CUX2: variants seen among roughly 807,000 people sequenced by gnomAD.
CUX2 encodes homeobox protein cut-like 2.
CUX2 carries 40 observed loss-of-function variants against 144.8 expected under a neutral mutation model. The observed-to-expected ratio is 0.28, with a 90% CI of 0.21 to 0.36. CUX2 has a LOEUF of 0.36. Among genes scored for constraint, CUX2 ranks in the 10% least tolerant of loss-of-function variants. The probability of loss-of-function intolerance (pLI) is 1.00; values close to 1 mark genes in which losing one functional copy is unlikely to be tolerated. For synonymous variants in CUX2, 827 were observed against 875.6 expected, an observed-to-expected ratio of 0.94 and a Z score of 0.98; for missense variants, 1,615 against 1,994.0, an observed-to-expected ratio of 0.81 and a Z score of 3.62.
chr12:111,141,927 T>TA (rs1876346718), intron 1 of CUX2, among the ~76,000 whole-genome samples: 2 of 152,052 alleles, frequency 1.3e-5, no homozygotes, highest in Non-Finnish European at 2.9e-5. Flanking sequence ...CTACTAAAAA[T>TA]ACAAAAATTA....
intron 1 of CUX2, among the ~76,000 whole-genome samples, chr12:111,076,122 A>T (rs111806689): frequency 0.013 from 1,928 of 152,308 alleles, 54 homozygotes; most frequent in African/African-American, 0.044. Context: ...CATCATGTGG[A>T]TACTTTCTGA....
At chr12:111,245,196 G>A (rs1883220898) in intron 3 of CUX2, among the ~76,000 whole-genome samples, 1 of 151,968 alleles carries the variant, frequency 6.6e-6, no homozygotes, top group African/African-American at 2.4e-5. Context: ...TTTGTTCTAT[G>A]GTATGGCAGG....
intron 1 of CUX2, among the ~76,000 whole-genome samples, chr12:111,167,120 C>A (rs561683706): frequency 6.6e-6 from 1 of 152,264 alleles, no homozygotes; most frequent in Non-Finnish European, 1.5e-5. Context: ...GTCCTCCCTG[C>A]CCCTGTCTGT....
At chr12:111,266,530 A>C (rs887261937) in intron 4 of CUX2, among the ~76,000 whole-genome samples, 2 of 152,070 alleles carry the variant, frequency 1.3e-5, no homozygotes, top group Admixed American at 1.3e-4. Flanking sequence ...AAAGCTGTGT[A>C]AAAACAGAGG....
chr12:111,225,558 C>T (rs796526821), intron 3 of CUX2, among the ~76,000 whole-genome samples: 5 of 152,212 alleles, frequency 3.3e-5, no homozygotes, highest in Admixed American at 1.3e-4. Context: ...GCTCACACAG[C>T]GGTTCATCAG....
chr12:111,043,206 A>G (rs945472653), intron 1 of CUX2, among the ~76,000 whole-genome samples: 1 of 152,204 alleles, frequency 6.6e-6, no homozygotes, highest in Non-Finnish European at 1.5e-5. Context: ...TGCACATGCC[A>G]TTTCACAGAC....
rs61943044 is a variant in CUX2, at chr12:111,182,937, C to T, written c.64-31263C>T. Reference sequence around the variant, plus strand: ...ATCGGAATAGCACCAGCCATTTATTCGCCACCAACTGCCCCGGATCCTGTA... The same window carrying T: ...ATCGGAATAGCACCAGCCATTTATTTGCCACCAACTGCCCCGGATCCTGTA... On this transcript the variant is annotated intron_variant, in intron 1 of 21. Transcript: ENST00000261726. Among the ~76,000 whole-genome samples, 5 of 152,150 alleles carry T rather than the reference C, an allele frequency of 3.3e-5. No homozygotes were observed. In the South Asian group the frequency reaches 8.3e-4, roughly 25 times the overall value.
At chr12:111,230,246 G>T (rs1882398868) in intron 3 of CUX2, among the ~76,000 whole-genome samples, 1 of 151,884 alleles carries the variant, frequency 6.6e-6, no homozygotes, top group Non-Finnish European at 1.5e-5. Flanking sequence ...GAGGGAAGAG[G>T]TGAAAGGAAA....
At chr12:111,332,449 A>G (rs888150425) in intron 18 of CUX2, among the ~76,000 whole-genome samples, 1 of 152,078 alleles carries the variant, frequency 6.6e-6, no homozygotes, top group Non-Finnish European at 1.5e-5. Context: ...TAGCTTTTTA[A>G]TGTGGCATTG....
intron 1 of CUX2, among the ~76,000 whole-genome samples, chr12:111,181,349 G>C (rs1050433056): frequency 6.6e-6 from 1 of 152,272 alleles, no homozygotes; most frequent in African/African-American, 2.4e-5. Context: ...AGGTGAGGCT[G>C]TTTTGATGAA....
At chr12:111,343,787 G>A (rs564744033) in intron 21 of CUX2, among the ~76,000 whole-genome samples, 39 of 152,296 alleles carry the variant, frequency 2.6e-4, no homozygotes, top group South Asian at 8.3e-4. Flanking sequence ...TTGACCGGGC[G>A]CAGTGGCTCA....
At chr12:111,046,846 G>A (rs981242763) in intron 1 of CUX2, among the ~76,000 whole-genome samples, 2 of 152,066 alleles carry the variant, frequency 1.3e-5, no homozygotes, top group Non-Finnish European at 2.9e-5. Context: ...CAGTAGAGAC[G>A]GGGTTTCACC....
intron 1 of CUX2, among the ~76,000 whole-genome samples, chr12:111,047,006 T>A (rs1435782658): frequency 1.3e-5 from 2 of 152,224 alleles, no homozygotes; most frequent in Admixed American, 1.3e-4. Context: ...CACTGTCAAC[T>A]CATGGAAATG....
intron 1 of CUX2, among the ~76,000 whole-genome samples, chr12:111,042,329 G>A (rs751046725): frequency 2.6e-5 from 4 of 152,184 alleles, no homozygotes; most frequent in African/African-American, 4.8e-5. Flanking sequence ...TCCCTGAGTG[G>A]GGCCATCACT....
chr12:111,197,636 G>A (rs190845076), intron 1 of CUX2, among the ~76,000 whole-genome samples: 456 of 152,326 alleles, frequency 3.0e-3, no homozygotes, highest in African/African-American at 0.011. Flanking sequence ...GTGGCGGCCT[G>A]TCTTGAGTGA....
At chr12:111,188,640 G>C (rs1187228862) in intron 1 of CUX2, among the ~76,000 whole-genome samples, 2 of 151,896 alleles carry the variant, frequency 1.3e-5, no homozygotes, top group African/African-American at 2.4e-5. Context: ...CCCAGAGAGC[G>C]GGGGGGAAAG....
At chr12:111,288,831 C>T (rs529195688) in intron 4 of CUX2, among the ~76,000 whole-genome samples, 3 of 152,174 alleles carry the variant, frequency 2.0e-5, no homozygotes, top group East Asian at 1.9e-4. Context: ...GGTGTGATGG[C>T]GCGCATCTGT....
Position 111,071,967 on chromosome 12 carries a change from G to C in CUX2, c.63+37727G>C, listed in dbSNP as rs76382606. Among the ~76,000 whole-genome samples, 534 of 152,172 alleles carry C rather than the reference G, an allele frequency of 3.5e-3. 9 individuals carry two copies. In the East Asian group the frequency reaches 0.045, roughly 13 times the overall value. ...TCTGGGCTCTCTGTCCTGTTCTATC[G>C]ATCTATTTGTCTATTCTTTCTCCAA... On this transcript the variant is annotated intron_variant, in intron 1 of 21. Transcript: ENST00000261726.
At chr12:111,151,939 G>A (rs1369531955) in intron 1 of CUX2, among the ~76,000 whole-genome samples, 2 of 152,070 alleles carry the variant, frequency 1.3e-5, no homozygotes, top group African/African-American at 4.8e-5. Flanking sequence ...GGCCTGGATC[G>A]CATCAGTCAT....
Sources: allele counts gnomAD v4.1 joint callset (sites outside exome capture counted in the v4.1 genomes callset), GRCh38; gene constraint gnomAD v4.1.1; transcripts MANE v1.5; gene names NCBI Gene and HGNC (gene_info 2026-07-23, HGNC 2026-07-21).